Variants in ANKS1B observed in about 807,000 individuals in gnomAD.
The protein encoded by ANKS1B is ankyrin repeat and sterile alpha motif domain-containing protein 1B.
ANKS1B carries 36 observed loss-of-function variants against 148.3 expected under a neutral mutation model. That is an observed-to-expected ratio of 0.24 (90% CI 0.19 to 0.32). The LOEUF (loss-of-function observed/expected upper bound fraction) is 0.32. ANKS1B is among the 10% of genes least tolerant of loss of function. ANKS1B has a pLI of 1.00. For missense variants in ANKS1B, 1,157 were observed against 1,542.6 expected (o/e 0.75, Z 4.19); for synonymous variants, 542 against 560.8 (o/e 0.97, Z 0.47).
intron 17 of ANKS1B, among the ~76,000 whole-genome samples, chr12:98,926,707 CG>C (rs1459514382): frequency 6.6e-6 from 1 of 151,884 alleles, no homozygotes; most frequent in Non-Finnish European, 1.5e-5. Context: ...ATGATTTAAA[CG>C]TACAAAATCG....
At chr12:99,660,363 C>CT (rs71088137) in intron 8 of ANKS1B, among the ~76,000 whole-genome samples, 44,810 of 120,618 alleles carry the variant, frequency 0.37, 8,777 homozygotes, top group South Asian at 0.53. Context: ...TTTTCTTTTT[C>CT]TTTTTTTTTT....
At chr12:99,281,380 T>G (rs1278793974) in intron 12 of ANKS1B, among the ~76,000 whole-genome samples, 1 of 152,198 alleles carries the variant, frequency 6.6e-6, no homozygotes, top group East Asian at 1.9e-4. Context: ...TTGTGAATTT[T>G]CAAAATTAAA....
At chr12:99,105,024 G>C (rs1440202221) in intron 15 of ANKS1B, 1 of 152,150 alleles carries the variant, frequency 6.6e-6, no homozygotes, top group Admixed American at 6.5e-5. Context: ...TGGTTTTGTG[G>C]GGTTTTATTT....
At chr12:99,913,697 G>A (rs2094079988) in intron 1 of ANKS1B, among the ~76,000 whole-genome samples, 2 of 151,948 alleles carry the variant, frequency 1.3e-5, no homozygotes, top group Admixed American at 6.6e-5. Context: ...GGGCTTATGG[G>A]AGTAACGCAA....
In ANKS1B at chr12:98,829,317, G is replaced by A. The variant is rs2099275587; in HGVS notation, c.2923C>T (p.Pro975Ser). ...SGNHTPPQLS[P>S]SLSQSTYTTG... ...GTGTAAGTGCTTTGGCTAAGTGATG[G>A]AGACAACTGAGGAGGAGTGTGATTA... Residue 975 changes from proline to serine, a missense_variant, in exon 19 of 27, where the codon CCA becomes TCA. Transcript: ENST00000683438. This position sits in a 1 kb window ranked among gnomAD's most constrained non-coding sequence, Gnocchi z 5.2. The A allele has an allele frequency of 6.2e-7, 1 of 1,614,022 alleles. No homozygotes were observed. Among genetic ancestry groups the A allele is most frequent in the African/African-American group, 1.3e-5 (1 of 75,052 alleles).
rs138437060 is a variant in ANKS1B, at chr12:99,043,815, C to T, written c.2778+9342G>A. Among the ~76,000 whole-genome samples, 831 of 152,336 alleles carry T rather than the reference C, an allele frequency of 5.5e-3. 5 individuals carry two copies. Among genetic ancestry groups the T allele is most frequent in the Middle Eastern group, 0.027 (8 of 294 alleles). On this transcript the variant is annotated intron_variant, in intron 17 of 26. Coordinates refer to ENST00000683438, the MANE Select transcript of ANKS1B (RefSeq NM_001352186.2). ...CATGATGGCTTATACGAATCTTATA[C>T]ACCTACCTCAGTGATAGTGTTAACC...
Position 99,945,923 on chromosome 12 carries a change from G to A in ANKS1B, c.134+38181C>T, listed in dbSNP as rs534590231. ...GGGACCAAAGCATTTAATTGCTGGTGTTTGGCTCCCCGAACCTGCCATGGC... is the reference window on the plus strand; with the variant it reads ...GGGACCAAAGCATTTAATTGCTGGTATTTGGCTCCCCGAACCTGCCATGGC... On this transcript the variant is annotated intron_variant, in intron 1 of 26. Transcript: ENST00000683438. Among the ~76,000 whole-genome samples the A allele has an allele frequency of 2.8e-4, 42 of 152,274 alleles. 1 individual carries two copies. The highest frequency in any genetic ancestry group is 2.7e-3 in the South Asian group (13 of 4,822).
intron 1 of ANKS1B, among the ~76,000 whole-genome samples, chr12:99,854,565 G>C (rs1008995525): frequency 6.6e-6 from 1 of 152,050 alleles, no homozygotes; most frequent in Non-Finnish European, 1.5e-5. Context: ...GAAATTCATC[G>C]CAAAAAGATC....
intron 9 of ANKS1B, among the ~76,000 whole-genome samples, chr12:99,532,552 G>A (rs2097010204): frequency 6.6e-6 from 1 of 152,076 alleles, no homozygotes; most frequent in Non-Finnish European, 1.5e-5. Flanking sequence ...AGTACAGACG[G>A]GGTTTCATCG....
At chr12:99,879,415 G>A (rs372533844) in intron 1 of ANKS1B, among the ~76,000 whole-genome samples, 14 of 152,122 alleles carry the variant, frequency 9.2e-5, no homozygotes, top group African/African-American at 3.4e-4. Context: ...GCAGAGACAG[G>A]GAAGTGGCAG....
chr12:98,984,712 A>T (rs1291264125), intron 17 of ANKS1B, among the ~76,000 whole-genome samples: 1 of 152,116 alleles, frequency 6.6e-6, no homozygotes, highest in East Asian at 1.9e-4. Context: ...ATTTCCTTAT[A>T]TTTTAATGGG....
At chr12:99,614,705 C>T (rs559359036) in intron 9 of ANKS1B, among the ~76,000 whole-genome samples, 2 of 151,930 alleles carry the variant, frequency 1.3e-5, no homozygotes, top group African/African-American at 4.8e-5. Flanking sequence ...TTGGATCTCT[C>T]TATTGTGTAT....
At chr12:99,436,767 G>A (rs1220141117) in intron 11 of ANKS1B, among the ~76,000 whole-genome samples, 1 of 151,906 alleles carries the variant, frequency 6.6e-6, no homozygotes, top group Non-Finnish European at 1.5e-5. Flanking sequence ...AGGTTGAGTA[G>A]GTACCTGATC....
chr12:99,412,137 C>T (rs1256558447), intron 11 of ANKS1B, among the ~76,000 whole-genome samples: 1 of 152,006 alleles, frequency 6.6e-6, no homozygotes, highest in African/African-American at 2.4e-5. Flanking sequence ...TCAATCACCT[C>T]TCAAATCTTT....
chr12:98,835,450 C>T (rs914710622), intron 17 of ANKS1B, among the ~76,000 whole-genome samples: 1 of 152,128 alleles, frequency 6.6e-6, no homozygotes, highest in African/African-American at 2.4e-5. Context: ...TGTTCATTGT[C>T]ATAAAGTCAA....
intron 17 of ANKS1B, among the ~76,000 whole-genome samples, chr12:98,867,447 G>C (rs2099630418): frequency 6.6e-6 from 1 of 152,232 alleles, no homozygotes; most frequent in African/African-American, 2.4e-5. Context: ...CTACAGAGAG[G>C]AAAGAGCTGA....
intron 17 of ANKS1B, among the ~76,000 whole-genome samples, chr12:98,832,928 T>C (rs2099330709): frequency 6.6e-6 from 1 of 152,038 alleles, no homozygotes; most frequent in Non-Finnish European, 1.5e-5. Context: ...AAATAAGGGA[T>C]TAATGAATAT....
At chr12:99,762,773 G>A (rs1481187427) in intron 8 of ANKS1B, among the ~76,000 whole-genome samples, 1 of 151,882 alleles carries the variant, frequency 6.6e-6, no homozygotes, top group East Asian at 1.9e-4. Flanking sequence ...TCTGACAAAG[G>A]TCTAATATCC....
At chr12:98,958,896 T>C (rs938866598) in intron 17 of ANKS1B, among the ~76,000 whole-genome samples, 4 of 152,194 alleles carry the variant, frequency 2.6e-5, no homozygotes, top group African/African-American at 9.6e-5. Flanking sequence ...TAAATTAAAA[T>C]TGTATCACGT....
Sources: gnomAD v4.1 joint callset for allele counts (sites outside exome capture counted in the v4.1 genomes callset) on GRCh38, gnomAD v4.1.1 for gene constraint, Gnocchi (gnomAD v3.1) non-coding constraint, MANE v1.5 for transcripts, NCBI Gene and HGNC (gene_info 2026-07-23, HGNC 2026-07-21) for gene names.